The following CEACAM4 variants were observed in gnomAD, a reference collection of about 807,000 sequenced individuals.
CEACAM4 encodes the protein cell adhesion molecule CEACAM4.
Under a neutral mutation model 28.7 loss-of-function variants are expected in CEACAM4, and 30 were observed. That is an observed-to-expected ratio of 1.05 (90% CI 0.78 to 1.42). CEACAM4 has a LOEUF of 1.42. CEACAM4 is among the 40% of genes most tolerant of loss of function. The probability of loss-of-function intolerance (pLI) is 0.00; values close to 1 mark genes in which losing one functional copy is unlikely to be tolerated. For synonymous variants in CEACAM4, 143 were observed against 126.5 expected (o/e 1.13, Z -0.87); for missense variants, 330 against 308.2 (o/e 1.07, Z -0.53).
chr19:41,618,160 G>C (rs1226455543), downstream of CEACAM4, among the ~76,000 whole-genome samples: 3 of 152,254 alleles, frequency 2.0e-5, no homozygotes, highest in African/African-American at 7.2e-5. Context: ...TGCTGTCCCA[G>C]GTGTGTGGAG....
At chr19:41,624,983 C>T (rs2071543739) in intron 2 of CEACAM4, among the ~76,000 whole-genome samples, 1 of 152,208 alleles carries the variant, frequency 6.6e-6, no homozygotes, top group African/African-American at 2.4e-5. Context: ...TGCCCAAGGG[C>T]ATCTCTTAAG....
At chr19:41,614,727 C>T (rs958251960), downstream of CEACAM4, among the ~76,000 whole-genome samples, 1 of 152,184 alleles carries the variant, frequency 6.6e-6, no homozygotes, top group African/African-American at 2.4e-5. Flanking sequence ...CACCTGAACA[C>T]AGGTAACCCC....
the CEACAM4 span, among the ~76,000 whole-genome samples, chr19:41,613,741 C>T: frequency 9.6e-3 from 1,461 of 152,152 alleles, 10 homozygotes; most frequent in Non-Finnish European, 0.014. Flanking sequence ...GGCAGTCATA[C>T]GGGCTGTATC....
intron 6 of CEACAM4, 94 bp from the exon 7 acceptor site, chr19:41,619,489 GGGCTGAACCT>G: frequency 6.3e-7 from 1 of 1,582,018 alleles, no homozygotes; most frequent in Non-Finnish European, 8.6e-7. Context: ...GGCTTCTCTG[GGGCTGAACCT>G]GGCTGTGCTC....
At chr19:41,618,049 A>G (rs570135922), downstream of CEACAM4, among the ~76,000 whole-genome samples, 6 of 98,764 alleles carry the variant, frequency 6.1e-5, no homozygotes, top group Non-Finnish European at 1.3e-4. Flanking sequence ...TCTGTGCTTT[A>G]GTGCAGGCAC....
intron 6 of CEACAM4, 58 bp from the exon 7 acceptor site, chr19:41,619,453 A>G (rs1230694144): frequency 1.9e-6 from 3 of 1,603,626 alleles, no homozygotes; most frequent in Non-Finnish European, 2.6e-6. Flanking sequence ...AGTGTCTGGC[A>G]TCTCCCAGGC....
chr19:41,626,244 T>C lies in CEACAM4; in HGVS notation c.65-284A>G, dbSNP rs868921109. Among the ~76,000 whole-genome samples, 79 of 152,160 alleles carry C rather than the reference T, an allele frequency of 5.2e-4. No individual in the cohort carries two copies. The Middle Eastern group carries it at 0.02, about 39-fold the overall frequency. On this transcript the variant is annotated intron_variant, in intron 1 of 6. Coordinates refer to ENST00000221954, the MANE Select transcript of CEACAM4 (RefSeq NM_001817.4). ...CCTCCCCACTGCCCTCAGATCCTGC[T>C]CACATCAGGGTGTTTTTGGGAGACC...
At chr19:41,616,558 T>C (rs1555798891), downstream of CEACAM4, among the ~76,000 whole-genome samples, 1 of 151,760 alleles carries the variant, frequency 6.6e-6, no homozygotes, top group African/African-American at 2.4e-5. Context: ...TTCAGACAGA[T>C]CTTCAGGCCC....
In CEACAM4 at chr19:41,625,864, A is replaced by G; in HGVS notation, c.161T>C (p.Leu54Pro). The G allele has an allele frequency of 6.2e-7, 1 of 1,614,016 alleles. No homozygotes were observed. Among genetic ancestry groups the G allele is most frequent in the Non-Finnish European group, 8.5e-7 (1 of 1,179,984 alleles). ...SAAEGKDVLL[L>P]ACNISETIQA... ...AATAGTTTCTGAAATATTGCAGGCC[A>G]GTAGAAGAACATCCTTTCCCTCTGC... The change falls in exon 2 of 7, where the codon CTG becomes CCG. Residue 54 changes from leucine to proline, a missense_variant. Physicochemically the swap from Leu to Pro is moderately conservative, Grantham distance 98. Coordinates refer to ENST00000221954, the MANE Select transcript of CEACAM4 (RefSeq NM_001817.4).
At chr19:41,615,427 C>T (rs1418119690), downstream of CEACAM4, among the ~76,000 whole-genome samples, 1 of 151,978 alleles carries the variant, frequency 6.6e-6, no homozygotes, top group Non-Finnish European at 1.5e-5. Flanking sequence ...AGGTATCTCA[C>T]CTGGTGATTC....
chr19:41,615,140 G>A (rs1555798674), downstream of CEACAM4, among the ~76,000 whole-genome samples: 1 of 152,052 alleles, frequency 6.6e-6, no homozygotes, highest in African/African-American at 2.4e-5. Context: ...ATTGACCTTG[G>A]GGGCTGGGCG....
chr19:41,626,839 G>C (rs2071695942), intron 1 of CEACAM4, 61 bp downstream of exon 1: 1 of 1,494,106 alleles, frequency 6.7e-7, no homozygotes, highest in African/African-American at 1.4e-5. Context: ...TCCTACCCAA[G>C]AGACCCCAGT....
intron 5 of CEACAM4, among the ~76,000 whole-genome samples, 199 bp downstream of exon 5, chr19:41,620,012 C>T (rs1221656749): frequency 1.3e-5 from 2 of 152,032 alleles, no homozygotes; most frequent in Non-Finnish European, 2.9e-5. Flanking sequence ...GTAGAGGGTC[C>T]CGGGGAGGGG....
chr19:41,613,888 G>A, the CEACAM4 span, among the ~76,000 whole-genome samples: 1 of 152,212 alleles, frequency 6.6e-6, no homozygotes, highest in African/African-American at 2.4e-5. Flanking sequence ...TCTGGTATGA[G>A]AAAGTCCAAC....
At position 41,625,803 on chromosome 19, in the gene CEACAM4, T is replaced by G. The variant is rs1555803748; in HGVS notation, c.222A>C (p.Glu74Asp). The G allele has an allele frequency of 2.5e-6, 4 of 1,614,050 alleles. No homozygotes were observed. The South Asian group carries it at 4.4e-5, about 18-fold the overall frequency. ...TATAACCAGCAATGAGAGGGCTCCC[T>G]TCTGCCGTTTTCCCCTTGTGCCAAT... ...AYYWHKGKTA[E>D]GSPLIAGYIT... The change falls in exon 2 of 7, where the codon GAA becomes GAC. Residue 74 changes from glutamate (E) to aspartate (D), a missense_variant. Coordinates refer to ENST00000221954, the MANE Select transcript of CEACAM4 (RefSeq NM_001817.4).
Position 41,626,987 on chromosome 19 carries a change from C to T in CEACAM4, c.-24G>A. The T allele has an allele frequency of 6.3e-7, 1 of 1,589,504 alleles. No homozygotes were observed. Among genetic ancestry groups the T allele is most frequent in the Non-Finnish European group, 8.6e-7 (1 of 1,168,428 alleles). ...ATGGTCTCTGCTGCCTGCTTGTCCT[C>T]TGTGGAGAGGAGCTGGGCTCCAGGA... On this transcript the variant is annotated 5_prime_UTR_variant, in exon 1 of 7. Transcript: ENST00000221954.
At position 41,621,886 on chromosome 19, in the gene CEACAM4, G is replaced by A. The variant is rs1039980364; in HGVS notation, c.425-118C>T. On this transcript the variant is annotated intron_variant, in intron 2 of 6. Coordinates refer to ENST00000221954, the MANE Select transcript of CEACAM4 (RefSeq NM_001817.4). Reference sequence around the variant, plus strand: ...GAAGGAAATGCTCCAGAGCCTGAGTGTGGTCTGTTGGGCTGTCCTCATAGC... The same window carrying A: ...GAAGGAAATGCTCCAGAGCCTGAGTATGGTCTGTTGGGCTGTCCTCATAGC... The A allele has an allele frequency of 8.8e-6, 6 of 685,298 alleles. No individual in the cohort carries two copies. In the African/African-American group the frequency reaches 8.9e-5, roughly 10 times the overall value. 42.5% of individuals were successfully genotyped at this position (685,298 alleles called of 1,614,324 possible). A position where few individuals can be genotyped will look rare whatever the true frequency, so the allele number is the denominator to read the frequency against.
At position 41,625,916 on chromosome 19, in the gene CEACAM4, T is replaced by A. The variant is rs2071617482; in HGVS notation, c.109A>T (p.Thr37Ser). 1.9e-6 allele frequency: 3 copies of A among 1,613,466 alleles called. No homozygotes were observed. Residue 37 changes from threonine to serine, a missense_variant, in exon 2 of 7, where the codon ACT becomes TCT. Coordinates refer to ENST00000221954, the MANE Select transcript of CEACAM4 (RefSeq NM_001817.4). ...FWHPPTTVQF[T>S]IEALPSSAAE... ...GCACTGGACGGCAGGGCTTCAATAG[T>A]GAACTGGACAGTGGTGGGCGGGTGC...
intron 2 of CEACAM4, among the ~76,000 whole-genome samples, chr19:41,622,248 T>C (rs2071337316): frequency 6.6e-6 from 1 of 152,080 alleles, no homozygotes; most frequent in Non-Finnish European, 1.5e-5. Flanking sequence ...AGGCTAATTT[T>C]TATATTTTTA....
Sources: gnomAD v4.1 joint callset for allele counts (sites outside exome capture counted in the v4.1 genomes callset) on GRCh38, gnomAD v4.1.1 for gene constraint, MANE v1.5 for transcripts, NCBI Gene and HGNC (gene_info 2026-07-23, HGNC 2026-07-21) for gene names.